DHRSX: variants seen among roughly 807,000 people sequenced by gnomAD.
DHRSX encodes the protein polyprenol dehydrogenase.
Under a neutral mutation model 34.0 loss-of-function variants are expected in DHRSX, and 31 were observed. The observed-to-expected ratio is 0.91, with a 90% CI of 0.69 to 1.23. The LOEUF (loss-of-function observed/expected upper bound fraction) is 1.23. DHRSX is among the 50% of genes most tolerant of loss of function. DHRSX has a pLI of 0.00. For synonymous variants in DHRSX, 201 were observed against 183.8 expected (o/e 1.09, Z -0.76); for missense variants, 414 against 428.1 (o/e 0.97, Z 0.29).
chrX:2,257,326 G>C (rs1213468019), intron 5 of DHRSX, among the ~76,000 whole-genome samples: 2 of 152,216 alleles, frequency 1.3e-5, no homozygotes, highest in African/African-American at 4.8e-5. Flanking sequence ...AAATCAGGGA[G>C]ATGGAGACGG....
chrX:2,375,639 T>C (rs1222291219), intron 3 of DHRSX, among the ~76,000 whole-genome samples: 1 of 134,908 alleles, frequency 7.4e-6, no homozygotes, highest in East Asian at 2.0e-4. Flanking sequence ...GGTTGGCTGG[T>C]TGGTTGGTTT....
rs779722860 is a variant in DHRSX at position 2,317,256 on chromosome X, C to CTTTTT, written c.287-25658_287-25654dup. Among the ~76,000 whole-genome samples, 6 of 87,438 alleles carry CTTTTT rather than the reference C, an allele frequency of 6.9e-5. 1 individual carries two copies. Among genetic ancestry groups the CTTTTT allele is most frequent in the African/African-American group, 1.1e-4 (2 of 18,150 alleles). The allele number at this position is 87,438 out of a possible 152,430, so 57.4% of individuals were successfully genotyped here. A position where few individuals can be genotyped will look rare whatever the true frequency, so the allele number is the denominator to read the frequency against. ...TACAGGCGTGAGCCACCGCGCCTGG[C>CTTTTT]TTTTTTTTTTTTTGAGACAGAGTCT... On this transcript the variant is annotated intron_variant, in intron 3 of 6. Coordinates refer to ENST00000334651, the MANE Select transcript of DHRSX (RefSeq NM_145177.3).
chrX:2,221,482 T>C (rs1490637871), intron 6 of DHRSX, among the ~76,000 whole-genome samples: 1 of 152,186 alleles, frequency 6.6e-6, no homozygotes, highest in Admixed American at 6.5e-5. Flanking sequence ...TCCATCTCAC[T>C]AGGCAGATGC....
intron 3 of DHRSX, among the ~76,000 whole-genome samples, chrX:2,314,392 GAAGGA>G (rs1308533562): frequency 1.8e-5 from 2 of 109,892 alleles, no homozygotes; most frequent in African/African-American, 9.7e-5. Context: ...TGGAGGGAAG[GAAGGA>G]AGGGAAAGAA....
intron 2 of DHRSX, among the ~76,000 whole-genome samples, chrX:2,413,057 C>T (rs770616094): frequency 5.9e-5 from 9 of 151,940 alleles, no homozygotes; most frequent in Admixed American, 3.9e-4. Context: ...TAGCCGGGTA[C>T]GGTGGCATGC....
chrX:2,221,144 TC>T lies in DHRSX; in HGVS notation c.889del (p.Glu297ArgfsTer26). 6.2e-7 allele frequency: 1 copy of T among 1,613,866 alleles called. No homozygotes were observed. Among genetic ancestry groups the T allele is most frequent in the Non-Finnish European group, 8.5e-7 (1 of 1,179,834 alleles). ...GACGTGGAGGGACTTGGTCTCTTTC[TC>T]GTTGTATAGGTAATGGCCACCAACT... is the stretch of plus-strand genomic sequence containing the variant. Reference protein sequence around the residue: ...EGVGGHYLYNEKETKSLHVTY... With the variant: ...EGVGGHYLYNXKETKSLHVTY... On this transcript the variant is annotated frameshift_variant, in exon 7 of 7. Transcript: ENST00000334651. LOFTEE classifies it high-confidence loss of function.
chrX:2,352,124 G>A (rs1012904350), intron 3 of DHRSX, among the ~76,000 whole-genome samples: 6 of 152,064 alleles, frequency 3.9e-5, no homozygotes, highest in Non-Finnish European at 7.4e-5. Flanking sequence ...TAGGGGATCA[G>A]ATGTCCTCCC....
intron 3 of DHRSX, among the ~76,000 whole-genome samples, chrX:2,402,883 CTTTTTTTTTTTT>C (rs758977585): frequency 2.5e-5 from 3 of 117,770 alleles, no homozygotes; most frequent in Non-Finnish European, 3.5e-5. Context: ...TAATTGGTTT[CTTTTTTTTTTTT>C]TTTTTTTTTG....
intron 1 of DHRSX, chrX:2,488,561 A>C: frequency 6.7e-7 from 1 of 1,500,114 alleles, no homozygotes; most frequent in South Asian, 1.4e-5. Flanking sequence ...AACCAAGCTG[A>C]CCGGGTAAGT....
In DHRSX at chrX:2,289,122, A is replaced by AT. The variant is rs752457468; in HGVS notation, c.388+2379dup. ...AAACATATCATATCTGACATTCCTAATTTTTTTTTTTTTTTGAAACAGTCT... is the reference window on the plus strand; with the variant it reads ...AAACATATCATATCTGACATTCCTAATTTTTTTTTTTTTTTTGAAACAGTCT... On this transcript the variant is annotated intron_variant, in intron 4 of 6. Transcript: ENST00000334651. Among the ~76,000 whole-genome samples the AT allele has an allele frequency of 5.2e-3, 744 of 142,806 alleles. 2 individuals carry two copies. Among genetic ancestry groups the AT allele is most frequent in the East Asian group, 0.016 (79 of 4,946 alleles). The allele number at this position is 142,806 out of a possible 152,430, so 93.7% of individuals were successfully genotyped here.
chrX:2,493,474 T>C (rs2045209438), intron 1 of DHRSX, among the ~76,000 whole-genome samples: 1 of 151,046 alleles, frequency 6.6e-6, no homozygotes, highest in Non-Finnish European at 1.5e-5. Context: ...TTATTATCAT[T>C]ATTATTATTA....
chrX:2,425,261 C>T lies in DHRSX; in HGVS notation c.153G>A (p.Gly51=), dbSNP rs764865481. 6.2e-7 allele frequency: 1 copy of T among 1,613,866 alleles called. No individual in the cohort carries two copies. Among genetic ancestry groups the T allele is most frequent in the East Asian group, 2.2e-5 (1 of 44,890 alleles). Reference sequence around the variant, plus strand: ...CTGTAGAATAGCCAATGCCATCTGTCCCTCCCGTCACTATAGCGACACGGT... The same window carrying T: ...CTGTAGAATAGCCAATGCCATCTGTTCCTCCCGTCACTATAGCGACACGGT... ...RPDRVAIVTG[G]TDGIGYSTAK... The change falls in exon 2 of 7, where the codon GGG becomes GGA. Residue 51 remains glycine, a synonymous_variant. Coordinates refer to ENST00000334651, the MANE Select transcript of DHRSX (RefSeq NM_145177.3).
intron 1 of DHRSX, among the ~76,000 whole-genome samples, chrX:2,479,303 T>A (rs1235146273): frequency 1.6e-5 from 2 of 126,828 alleles, no homozygotes; most frequent in African/African-American, 6.2e-5. Flanking sequence ...CCCAAGGGAC[T>A]CCCGCACTGT....
At chrX:2,315,606 A>G (rs1399817847) in intron 3 of DHRSX, among the ~76,000 whole-genome samples, 1 of 152,128 alleles carries the variant, frequency 6.6e-6, no homozygotes, top group Admixed American at 6.6e-5. Flanking sequence ...GGAGCCATCC[A>G]TCTTAGCTAG....
chrX:2,318,522 C>CTTCCTCACTG (rs2042268097), intron 3 of DHRSX, among the ~76,000 whole-genome samples: 1 of 148,188 alleles, frequency 6.7e-6, no homozygotes, highest in African/African-American at 2.6e-5. Context: ...GACCTCTGGT[C>CTTCCTCACTG]TTCCTCACTG....
intron 2 of DHRSX, among the ~76,000 whole-genome samples, chrX:2,410,921 T>C (rs111290268): frequency 6.6e-6 from 1 of 152,174 alleles, no homozygotes; most frequent in Non-Finnish European, 1.5e-5. Flanking sequence ...AATTTGCACC[T>C]TTGACTTCCT....
chrX:2,395,517 AC>A (rs1232334397), intron 3 of DHRSX, among the ~76,000 whole-genome samples: 8 of 152,070 alleles, frequency 5.3e-5, no homozygotes, highest in African/African-American at 1.7e-4. Flanking sequence ...AGCATCTGGA[AC>A]CCCGGCTGCT....
At chrX:2,346,201 C>T (rs2042708573) in intron 3 of DHRSX, among the ~76,000 whole-genome samples, 1 of 151,820 alleles carries the variant, frequency 6.6e-6, no homozygotes, top group Non-Finnish European at 1.5e-5. Context: ...CAAAACCAGG[C>T]ATCTCACTCC....
At chrX:2,235,073 T>C (rs1316238887) in intron 6 of DHRSX, among the ~76,000 whole-genome samples, 1 of 152,192 alleles carries the variant, frequency 6.6e-6, no homozygotes, top group East Asian at 1.9e-4. Flanking sequence ...CAGAATGGTG[T>C]TGCTAGGAGC....
Sources: gnomAD v4.1 joint callset for allele counts (sites outside exome capture counted in the v4.1 genomes callset) on GRCh38, gnomAD v4.1.1 for gene constraint, MANE v1.5 for transcripts, NCBI Gene and HGNC (gene_info 2026-07-23, HGNC 2026-07-21) for gene names.